The following MYPN variants were observed in gnomAD, a reference collection of about 807,000 sequenced individuals.
The protein encoded by MYPN is sarcomeric protein myopalladin, 145 kDa (MYOP).
MYPN carries 63 observed loss-of-function variants against 129.4 expected under a neutral mutation model. The ratio of observed to expected loss-of-function variants is 0.49; its 90% CI spans 0.40 to 0.60. MYPN has a LOEUF of 0.60. Ranked by LOEUF, MYPN falls within the 20% of genes least tolerant of loss-of-function variation. MYPN has a pLI of 0.00. For synonymous variants in MYPN, 629 were observed against 600.9 expected (o/e 1.05, Z -0.68); for missense variants, 1,596 against 1,635.4 (o/e 0.98, Z 0.42).
At chr10:68,190,191 T>G (rs964036420) in intron 13 of MYPN, among the ~76,000 whole-genome samples, 20 of 151,906 alleles carry the variant, frequency 1.3e-4, no homozygotes, top group South Asian at 8.3e-4. Context: ...CAGGTCTTTT[T>G]TGTGTGTGTG....
intron 2 of MYPN, among the ~76,000 whole-genome samples, chr10:68,140,521 G>A (rs1554841601): frequency 1.3e-5 from 2 of 151,034 alleles, no homozygotes; most frequent in African/African-American, 2.4e-5. Context: ...TTTTTTTTAG[G>A]TGAAGTTAGA....
At chr10:68,156,461 C>A (rs1222675635) in intron 6 of MYPN, among the ~76,000 whole-genome samples, 11 of 152,134 alleles carry the variant, frequency 7.2e-5, no homozygotes, top group Non-Finnish European at 1.0e-4. Flanking sequence ...TCAAATAGTT[C>A]TTTATTAATT....
chr10:68,158,744 C>A, intron 7 of MYPN, 117 bp downstream of exon 7: 1 of 742,564 alleles, frequency 1.3e-6, no homozygotes, highest in Non-Finnish European at 2.2e-6. Context: ...GAATAAAAAA[C>A]ACCTGTAATC....
chr10:68,097,924 C>G (rs1162560171), intron 1 of MYPN, among the ~76,000 whole-genome samples: 1 of 152,124 alleles, frequency 6.6e-6, no homozygotes, highest in African/African-American at 2.4e-5. Flanking sequence ...TCATGTGCAT[C>G]ATTATTCTGA....
At chr10:68,160,016 C>G (rs1377826237) in intron 7 of MYPN, among the ~76,000 whole-genome samples, 1 of 152,008 alleles carries the variant, frequency 6.6e-6, no homozygotes, top group Non-Finnish European at 1.5e-5. Context: ...CTGCCTATCA[C>G]AAAATAGCAG....
chr10:68,092,844 G>A (rs1274680953), intron 1 of MYPN, among the ~76,000 whole-genome samples: 4 of 152,054 alleles, frequency 2.6e-5, no homozygotes, highest in Admixed American at 2.0e-4. Context: ...AACTGAAAAG[G>A]TGAGGTAACT....
At chr10:68,178,168 T>C (rs1054082086) in intron 12 of MYPN, among the ~76,000 whole-genome samples, 1 of 152,264 alleles carries the variant, frequency 6.6e-6, no homozygotes, top group Non-Finnish European at 1.5e-5. Flanking sequence ...TGTAGATTCT[T>C]AGAACCTTTT....
rs10603125 is a variant in MYPN at position 68,158,905 on chromosome 10, CTT to C, written c.1459+291_1459+292del. On this transcript the variant is annotated intron_variant, in intron 7 of 19. Transcript: ENST00000358913. ...TGTCCATAAACACAGAGCCTCCTTACTTTTTTTTTTTTTTAGATGGAATCTCA... is the reference window on the plus strand; with the variant it reads ...TGTCCATAAACACAGAGCCTCCTTACTTTTTTTTTTTTAGATGGAATCTCA... Among the ~76,000 whole-genome samples the C allele has an allele frequency of 0.24, 34,695 of 147,286 alleles. 4,631 individuals carry two copies. The highest frequency in any genetic ancestry group is 0.38 in the African/African-American group (15,124 of 40,158).
rs914995365 is a variant in MYPN, at chr10:68,161,329, C to T, written c.1460-400C>T. On this transcript the variant is annotated intron_variant, in intron 7 of 19. Coordinates refer to ENST00000358913, the MANE Select transcript of MYPN (RefSeq NM_032578.4). ...TGGCCAACATGATGAAACCCCATCT[C>T]TATCAAAAATACAAAAATTAGCCAG... is the stretch of plus-strand genomic sequence containing the variant. Among the ~76,000 whole-genome samples, 3 of 152,100 alleles carry T rather than the reference C, an allele frequency of 2.0e-5. No individual in the cohort carries two copies. The East Asian group carries it at 5.8e-4, about 29-fold the overall frequency.
chr10:68,193,574 T>C (rs745516137), intron 13 of MYPN, among the ~76,000 whole-genome samples: 23 of 152,186 alleles, frequency 1.5e-4, no homozygotes, highest in Non-Finnish European at 2.8e-4. Flanking sequence ...CAGCAGATTT[T>C]TTGGCAGTCA....
intron 5 of MYPN, among the ~76,000 whole-genome samples, chr10:68,149,444 T>C (rs1564663503): frequency 6.9e-6 from 1 of 145,390 alleles, no homozygotes; most frequent in Admixed American, 6.6e-5. Context: ...ATTTCTTTTA[T>C]ATACATATTT....
rs1190165733 is a variant in MYPN, at chr10:68,202,010, C to T, written c.3659+16C>T. The T allele has an allele frequency of 4.3e-6, 7 of 1,613,770 alleles. No homozygotes were observed. The highest frequency in any genetic ancestry group is 5.9e-6 in the Non-Finnish European group (7 of 1,179,958). On this transcript the variant is annotated intron_variant, in intron 18 of 19. Coordinates refer to ENST00000358913, the MANE Select transcript of MYPN (RefSeq NM_032578.4). ...AGAGGATCAGGTACAGCAGCCACCACATCCAGAGGGACTCCCACTCTCAGT... is the reference window on the plus strand; with the variant it reads ...AGAGGATCAGGTACAGCAGCCACCATATCCAGAGGGACTCCCACTCTCAGT...
At position 68,186,617 on chromosome 10, in the gene MYPN, G is replaced by A. The variant is rs529607874; in HGVS notation, c.2704-2288G>A. ...ATGGCTCCAGATTCCCCAAAGATGT[G>A]TTAATGTCAGAAAAAGTGATTGCTT... On this transcript the variant is annotated intron_variant, in intron 12 of 19. Transcript: ENST00000358913. Among the ~76,000 whole-genome samples the A allele has an allele frequency of 2.0e-4, 30 of 152,272 alleles. 2 individuals are homozygous for A. In the South Asian group the frequency reaches 6.0e-3, roughly 31 times the overall value.
At chr10:68,178,790 C>A (rs1045842889) in intron 12 of MYPN, among the ~76,000 whole-genome samples, 1 of 151,324 alleles carries the variant, frequency 6.6e-6, no homozygotes, top group Non-Finnish European at 1.5e-5. Flanking sequence ...TCATACATGA[C>A]TTAGCATGAA....
At chr10:68,197,749 A>G (rs2043635362) in intron 16 of MYPN, among the ~76,000 whole-genome samples, 1 of 152,170 alleles carries the variant, frequency 6.6e-6, no homozygotes. Flanking sequence ...ACAACCAAAG[A>G]GGTGATACAC....
chr10:68,207,525 C>T (rs1165692533), intron 19 of MYPN, among the ~76,000 whole-genome samples: 2 of 152,132 alleles, frequency 1.3e-5, no homozygotes, highest in African/African-American at 4.8e-5. Flanking sequence ...CTTGCTGCCG[C>T]GGGCCACCCA....
intron 12 of MYPN, among the ~76,000 whole-genome samples, chr10:68,186,207 A>G (rs61857176): frequency 0.13 from 19,147 of 152,218 alleles, 1,587 homozygotes; most frequent in Middle Eastern, 0.2. Context: ...TCCACCCTAT[A>G]AGAACTGTGT....
chr10:68,150,141 GGCTTTAAAGATACCACA>G, intron 6 of MYPN, 30 bp downstream of exon 6: 1 of 1,560,320 alleles, frequency 6.4e-7, no homozygotes, highest in Non-Finnish European at 8.8e-7. Context: ...TTTCTGTCAT[GGCTTTAAAGATACCACA>G]GCACCCAAAG....
intron 2 of MYPN, among the ~76,000 whole-genome samples, chr10:68,131,228 A>T (rs1268478649): frequency 1.3e-5 from 2 of 152,114 alleles, no homozygotes; most frequent in Non-Finnish European, 2.9e-5. Flanking sequence ...GTCTCTACCA[A>T]AAATACAAAA....
Sources: allele counts gnomAD v4.1 joint callset (sites outside exome capture counted in the v4.1 genomes callset), GRCh38; gene constraint gnomAD v4.1.1; transcripts MANE v1.5; gene names NCBI Gene and HGNC (gene_info 2026-07-23, HGNC 2026-07-21).